TEX11: variants seen among roughly 807,000 people sequenced by gnomAD.
The protein encoded by TEX11 is testis expressed 11, also known as testis-expressed protein 11.
Under a neutral mutation model 84.4 loss-of-function variants are expected in TEX11, and 7 were observed. The observed-to-expected ratio is 0.08, with a 90% CI of 0.05 to 0.16. The LOEUF (loss-of-function observed/expected upper bound fraction) is 0.16. TEX11 is among the 10% of genes least tolerant of loss of function. TEX11 has a pLI of 1.00. For synonymous variants in TEX11, 264 were observed against 222.8 expected (o/e 1.18, Z -1.64); for missense variants, 551 against 660.5 (o/e 0.83, Z 1.82).
chrX:70,704,079 ATCTC>A (rs376720264), intron 13 of TEX11, among the ~76,000 whole-genome samples: 5 of 96,517 alleles, frequency 5.2e-5, no homozygotes, highest in African/African-American at 7.6e-5. Context: ...AGTGTGTGGT[ATCTC>A]TCTCTCTCTC....
downstream of TEX11, among the ~76,000 whole-genome samples, chrX:70,526,959 T>C (rs1388163958): frequency 2.7e-5 from 3 of 112,161 alleles, no homozygotes; most frequent in African/African-American, 6.5e-5. Context: ...TAAATAATGA[T>C]AATGGCTTAT....
chrX:70,676,685 C>T (rs921998724), intron 15 of TEX11, among the ~76,000 whole-genome samples: 1 of 111,961 alleles, frequency 8.9e-6, no homozygotes, highest in African/African-American at 3.2e-5. Context: ...TTATTATCTC[C>T]ATCCTCATTT....
At chrX:70,768,641 T>C (rs764282579) in intron 9 of TEX11, among the ~76,000 whole-genome samples, 1 of 110,679 alleles carries the variant, frequency 9.0e-6, no homozygotes, top group Non-Finnish European at 1.9e-5. Context: ...TCATGAGAAC[T>C]CACTATCATG....
intron 13 of TEX11, among the ~76,000 whole-genome samples, chrX:70,706,457 TA>T (rs1426294191): frequency 3.6e-5 from 4 of 110,448 alleles, no homozygotes; most frequent in Non-Finnish European, 7.6e-5. Flanking sequence ...AAAGTATATA[TA>T]AAAAAAGATA....
chrX:70,527,811 TGA>T (rs886633007), downstream of TEX11, among the ~76,000 whole-genome samples: 2 of 111,854 alleles, frequency 1.8e-5, no homozygotes, highest in Admixed American at 1.9e-4. Flanking sequence ...AGAAAGAAAC[TGA>T]GAGAGTGACA....
At chrX:70,853,439 T>C (rs2091519653) in intron 5 of TEX11, 111 bp from the exon 6 acceptor site, 1 of 521,323 alleles carries the variant, frequency 1.9e-6, no homozygotes, top group Non-Finnish European at 3.1e-6. Flanking sequence ...GTCTTATAAC[T>C]CACAGAAAAC....
chrX:70,790,140 T>C (rs1383209206), intron 9 of TEX11, among the ~76,000 whole-genome samples: 4 of 111,803 alleles, frequency 3.6e-5, no homozygotes, highest in Non-Finnish European at 7.5e-5. Context: ...GTGGAGAGAA[T>C]GTAGAGATGA....
At position 70,895,373 on chromosome X, in the gene TEX11, G is replaced by T. The variant is rs148119350; in HGVS notation, c.37+12380C>A. 2.2e-3 allele frequency among the ~76,000 whole-genome samples: 243 copies of T among 110,946 alleles called. 1 individual carries two copies. Among genetic ancestry groups the T allele is most frequent in the African/African-American group, 7.7e-3 (237 of 30,631 alleles). The stretch of plus-strand genomic sequence containing the variant: ...AACCACTGCTCAAGGAAATAAGCGG[G>T]GACACAAACAAATGGAAAAAAATTC... On this transcript the variant is annotated intron_variant, in intron 2 of 29. Transcript: ENST00000374333.
chrX:70,538,818 C>T (rs776729318), intron 28 of TEX11, among the ~76,000 whole-genome samples: 247 of 107,735 alleles, frequency 2.3e-3, no homozygotes, highest in Non-Finnish European at 3.6e-3. Context: ...TCATTAGTTT[C>T]CAGTTCTAAA....
chrX:70,710,795 A>AT (rs1374758719), intron 13 of TEX11, among the ~76,000 whole-genome samples: 1 of 109,302 alleles, frequency 9.1e-6, no homozygotes, highest in Non-Finnish European at 1.9e-5. Context: ...TAGCAAATTA[A>AT]TTTTTTTTAT....
At chrX:70,535,180 T>C (rs929957782) in intron 28 of TEX11, among the ~76,000 whole-genome samples, 2 of 112,475 alleles carry the variant, frequency 1.8e-5, no homozygotes, top group African/African-American at 6.5e-5. Flanking sequence ...TAGTATTCCA[T>C]TGAATGGAAA....
intron 11 of TEX11, among the ~76,000 whole-genome samples, chrX:70,733,074 G>C (rs1228578843): frequency 8.9e-6 from 1 of 111,879 alleles, no homozygotes; most frequent in South Asian, 3.7e-4. Context: ...TTTAATAAAT[G>C]GTGCTGGGAA....
chrX:70,745,796 T>C (rs1034621597), intron 9 of TEX11, among the ~76,000 whole-genome samples: 1 of 110,659 alleles, frequency 9.0e-6, no homozygotes, highest in Non-Finnish European at 1.9e-5. Flanking sequence ...CCAAACTGAG[T>C]TTTCAGATTG....
intron 5 of TEX11, among the ~76,000 whole-genome samples, chrX:70,855,313 CT>C (rs762502802): frequency 9.0e-6 from 1 of 110,618 alleles, no homozygotes; most frequent in South Asian, 3.9e-4. Context: ...GCCTGTAACC[CT>C]AGCACTTTGG....
intron 24 of TEX11, among the ~76,000 whole-genome samples, chrX:70,598,683 C>A (rs1344675486): frequency 1.8e-5 from 2 of 111,718 alleles, no homozygotes; most frequent in African/African-American, 6.5e-5. Context: ...ATAATTCAGC[C>A]ATAAAAAGAA....
At chrX:70,892,140 A>G (rs1489038931) in intron 2 of TEX11, among the ~76,000 whole-genome samples, 2 of 111,526 alleles carry the variant, frequency 1.8e-5, no homozygotes, top group Admixed American at 1.9e-4. Flanking sequence ...AATAAGCTTC[A>G]TAAGCAAAAA....
chrX:70,530,012 A>T lies in TEX11; in HGVS notation c.2521-13T>A. On this transcript the variant is annotated splice_polypyrimidine_tract_variant and intron_variant, in intron 28 of 29. Coordinates refer to ENST00000374333, the MANE Select transcript of TEX11 (RefSeq NM_031276.3). Reference sequence around the variant, plus strand: ...CTGGGTAGTCTTTCTATAATCCAAGAACAGAAATTTTGCAGTTATTACTGT... The same window carrying T: ...CTGGGTAGTCTTTCTATAATCCAAGTACAGAAATTTTGCAGTTATTACTGT... The T allele has an allele frequency of 2.5e-6, 3 of 1,199,753 alleles. No individual in the cohort carries two copies. The South Asian group carries it at 5.4e-5, about 22-fold the overall frequency.
chrX:70,834,094 C>T (rs994196268), intron 7 of TEX11, among the ~76,000 whole-genome samples: 3 of 110,053 alleles, frequency 2.7e-5, no homozygotes, highest in African/African-American at 3.3e-5. Context: ...GAGGCTGAGG[C>T]GGGAAAATTG....
At position 70,776,060 on chromosome X, in the gene TEX11, A is replaced by C. The variant is rs765448896; in HGVS notation, c.692+30645T>G. Among the ~76,000 whole-genome samples, 42 of 81,411 alleles carry C rather than the reference A, an allele frequency of 5.2e-4. 1 individual carries two copies. The highest frequency in any genetic ancestry group is 1.3e-3 in the African/African-American group (35 of 26,716). 70.7% of individuals were successfully genotyped at this position (81,411 alleles called of 115,157 possible). ...GCGTGGAGATTTCTCAGAAAAAAAAAAAACAAACTTATAATAGAACTATAT... is the reference window on the plus strand; with the variant it reads ...GCGTGGAGATTTCTCAGAAAAAAAACAAACAAACTTATAATAGAACTATAT... On this transcript the variant is annotated intron_variant, in intron 9 of 29. Coordinates refer to ENST00000374333, the MANE Select transcript of TEX11 (RefSeq NM_031276.3).
Sources: gnomAD v4.1 joint callset for allele counts (sites outside exome capture counted in the v4.1 genomes callset) on GRCh38, gnomAD v4.1.1 for gene constraint, MANE v1.5 for transcripts, NCBI Gene and HGNC (gene_info 2026-07-23, HGNC 2026-07-21) for gene names.